The following IL1RAPL1 variants were observed in gnomAD, a reference collection of about 807,000 sequenced individuals.
IL1RAPL1 encodes the protein interleukin 1 receptor accessory protein like 1, also known as interleukin-1 receptor accessory protein-like 1.
A neutral mutation model predicts 48.4 loss-of-function variants in IL1RAPL1; 3 were observed. That is an observed-to-expected ratio of 0.06 (90% CI 0.03 to 0.16). The LOEUF (loss-of-function observed/expected upper bound fraction) is 0.16, where lower values mean the gene tolerates loss of function less well. Ranked by LOEUF, IL1RAPL1 falls within the 10% of genes least tolerant of loss-of-function variation. The probability of loss-of-function intolerance (pLI) is 1.00; values close to 1 mark genes in which losing one functional copy is unlikely to be tolerated. For missense variants in IL1RAPL1, 349 were observed against 530.6 expected (o/e 0.66, Z 3.36); for synonymous variants, 185 against 187.7 (o/e 0.99, Z 0.12).
intron 2 of IL1RAPL1, among the ~76,000 whole-genome samples, chrX:29,209,806 A>G (rs1405327530): frequency 8.9e-6 from 1 of 112,374 alleles, no homozygotes; most frequent in Non-Finnish European, 1.9e-5. Flanking sequence ...TAATTTGACT[A>G]AGTAGTAACA....
intron 2 of IL1RAPL1, among the ~76,000 whole-genome samples, chrX:28,832,751 A>T (rs111251639): frequency 0.15 from 16,340 of 106,438 alleles, 2,530 homozygotes; most frequent in African/African-American, 0.46. Flanking sequence ...TTTTTTTTTT[A>T]AAACCTTAGT....
At chrX:29,160,882 T>C (rs1056274307) in intron 2 of IL1RAPL1, among the ~76,000 whole-genome samples, 2 of 111,661 alleles carry the variant, frequency 1.8e-5, no homozygotes, top group African/African-American at 6.5e-5. Context: ...GGTGAAACCC[T>C]GTCTCTACTA....
chrX:28,650,460 A>G (rs2146903482), intron 1 of IL1RAPL1, among the ~76,000 whole-genome samples: 1 of 111,582 alleles, frequency 9.0e-6, no homozygotes, highest in African/African-American at 3.3e-5. Context: ...CTTCTTCACT[A>G]TCACAAGAAC....
intron 2 of IL1RAPL1, among the ~76,000 whole-genome samples, chrX:29,185,505 G>C (rs768700739): frequency 1.2e-4 from 13 of 111,845 alleles, no homozygotes; most frequent in African/African-American, 3.6e-4. Flanking sequence ...AGCACTTACC[G>C]CAATGCCTGG....
rs1328396304 is a variant in IL1RAPL1 at position 29,383,095 on chromosome X, A to T, written c.363-13163A>T. 1.3e-4 allele frequency among the ~76,000 whole-genome samples: 15 copies of T among 112,286 alleles called. 1 individual carries two copies. The Admixed American group carries it at 1.4e-3, about 11-fold the overall frequency. On this transcript the variant is annotated intron_variant, in intron 3 of 10. Coordinates refer to ENST00000378993, the MANE Select transcript of IL1RAPL1 (RefSeq NM_014271.4). ...TATGTGCAACAACACTGAGCCTGAG[A>T]AGATGCAAGAAATGTAGTGAAGTTG...
chrX:29,620,387 A>G (rs1161325201), intron 5 of IL1RAPL1, among the ~76,000 whole-genome samples: 1 of 111,657 alleles, frequency 9.0e-6, no homozygotes, highest in Non-Finnish European at 1.9e-5. Context: ...CTTTTAGGCT[A>G]TAAACCTGCA....
At chrX:28,613,721 G>A (rs953515949) in intron 1 of IL1RAPL1, among the ~76,000 whole-genome samples, 2 of 111,967 alleles carry the variant, frequency 1.8e-5, no homozygotes, top group Admixed American at 9.5e-5. Context: ...CCATATATGA[G>A]ACTAAAGTTA....
intron 6 of IL1RAPL1, among the ~76,000 whole-genome samples, chrX:29,816,059 G>T (rs777993458): frequency 1.3e-4 from 14 of 110,987 alleles, no homozygotes; most frequent in South Asian, 3.8e-4. Context: ...CAGAAGAAAA[G>T]AAATAATTAA....
rs1934684718 is a variant in IL1RAPL1, at chrX:29,451,924, A to G, written c.703+52616A>G. Reference sequence around the variant, plus strand: ...TAATAAGAAAGGAGTACAGGTTTCAATGCAGCATTGTTCTAAGACTTTTTG... The same window carrying G: ...TAATAAGAAAGGAGTACAGGTTTCAGTGCAGCATTGTTCTAAGACTTTTTG... On this transcript the variant is annotated intron_variant, in intron 5 of 10. Coordinates refer to ENST00000378993, the MANE Select transcript of IL1RAPL1 (RefSeq NM_014271.4). Among the ~76,000 whole-genome samples, 3 of 112,053 alleles carry G rather than the reference A, an allele frequency of 2.7e-5. No homozygotes were observed. The Admixed American group carries it at 2.8e-4, about 11-fold the overall frequency.
intron 1 of IL1RAPL1, among the ~76,000 whole-genome samples, chrX:28,659,934 T>A (rs1233574180): frequency 9.0e-6 from 1 of 111,072 alleles, no homozygotes; most frequent in Non-Finnish European, 1.9e-5. Flanking sequence ...TGTTTTGAGA[T>A]ATAAATGTTA....
chrX:28,876,681 T>C (rs1354019086), intron 2 of IL1RAPL1, among the ~76,000 whole-genome samples: 3 of 110,745 alleles, frequency 2.7e-5, no homozygotes, highest in African/African-American at 9.9e-5. Context: ...ACCTGCAAGC[T>C]GCAGTTCATT....
intron 2 of IL1RAPL1, among the ~76,000 whole-genome samples, chrX:29,125,948 C>T (rs1928890653): frequency 9.3e-6 from 1 of 107,687 alleles, no homozygotes; most frequent in Non-Finnish European, 1.9e-5. Flanking sequence ...TTTGGAAAGT[C>T]ACAACATAAC....
intron 1 of IL1RAPL1, chrX:28,659,205 T>C (rs1934786984): frequency 1.3e-6 from 1 of 752,290 alleles, no homozygotes; most frequent in South Asian, 2.2e-5. Context: ...AAAGCACCGA[T>C]AGCTGCACTC....
intron 6 of IL1RAPL1, among the ~76,000 whole-genome samples, chrX:29,749,723 T>C (rs906542832): frequency 7.1e-5 from 8 of 112,236 alleles, no homozygotes; most frequent in African/African-American, 2.3e-4. Flanking sequence ...ATACAATGTT[T>C]AGGAAGTGTC....
intron 2 of IL1RAPL1, among the ~76,000 whole-genome samples, chrX:28,862,226 A>G (rs2147303057): frequency 8.9e-6 from 1 of 112,099 alleles, no homozygotes; most frequent in African/African-American, 3.2e-5. Context: ...TCTTTATGCA[A>G]TCTTTATGTG....
At chrX:29,632,578 T>C (rs1375478090) in intron 5 of IL1RAPL1, among the ~76,000 whole-genome samples, 2 of 112,122 alleles carry the variant, frequency 1.8e-5, no homozygotes, top group African/African-American at 6.5e-5. Flanking sequence ...AAGAATGTTA[T>C]TACTCTGGTG....
At chrX:29,906,177 TACAA>T (rs979429190) in intron 6 of IL1RAPL1, among the ~76,000 whole-genome samples, 1 of 106,445 alleles carries the variant, frequency 9.4e-6, no homozygotes, top group Non-Finnish European at 1.9e-5. Flanking sequence ...TCTACTAAAA[TACAA>T]ACAATCAGCC....
At chrX:29,639,165 G>A (rs1277813230) in intron 5 of IL1RAPL1, among the ~76,000 whole-genome samples, 3 of 96,208 alleles carry the variant, frequency 3.1e-5, no homozygotes, top group Non-Finnish European at 4.0e-5. Flanking sequence ...CAGCATGGGC[G>A]ACAAAGCGAG....
At chrX:29,025,776 G>A (rs960545976) in intron 2 of IL1RAPL1, among the ~76,000 whole-genome samples, 5 of 111,301 alleles carry the variant, frequency 4.5e-5, no homozygotes, top group Admixed American at 2.9e-4. Context: ...AGATAATTAC[G>A]TTGCTTTCCA....
Sources: allele counts gnomAD v4.1 joint callset (sites outside exome capture counted in the v4.1 genomes callset), GRCh38; gene constraint gnomAD v4.1.1; transcripts MANE v1.5; gene names NCBI Gene and HGNC (gene_info 2026-07-23, HGNC 2026-07-21).